SMYD1: variants seen among roughly 807,000 people sequenced by gnomAD.
The protein encoded by SMYD1 is SET and MYND domain containing 1.
A neutral mutation model predicts 54.0 loss-of-function variants in SMYD1; 49 were observed. That is an observed-to-expected ratio of 0.91 (90% confidence interval 0.72 to 1.15). The LOEUF (loss-of-function observed/expected upper bound fraction) is 1.15, where lower values mean the gene tolerates loss of function less well. SMYD1 is among the 50% of genes most tolerant of loss of function. The pLI is 0.00. For missense variants in SMYD1, 653 were observed against 639.6 expected (o/e 1.02, Z -0.23); for synonymous variants, 269 against 234.2 (o/e 1.15, Z -1.36).
rs538199535 is a variant in SMYD1 at position 88,096,778 on chromosome 2, C to G, written c.882C>G (p.Asn294Lys). 6.2e-7 allele frequency: 1 copy of G among 1,612,702 alleles called. No individual in the cohort carries two copies. The highest frequency in any genetic ancestry group is 8.5e-7 in the Non-Finnish European group (1 of 1,179,352). ...ACCTCTTCCTGGGGGTGAAAGACAA[C>G]CCCAAGGTACACACAGCCCTGCTGC... ...KDDLFLGVKD[N>K]PKPSQEVVKE... is the part of the protein sequence containing the mutation. The change falls in exon 6 of 10, where the codon AAC (asparagine) becomes AAG (lysine). Residue 294 changes from asparagine to lysine, a missense_variant. Coordinates refer to ENST00000419482, the MANE Select transcript of SMYD1 (RefSeq NM_198274.4).
rs1245807181 is a variant in SMYD1, at chr2:88,096,630, G to A, written c.734G>A (p.Gly245Glu). 3 of 1,613,780 alleles carry A rather than the reference G, an allele frequency of 1.9e-6. No individual in the cohort carries two copies. The highest frequency in any genetic ancestry group is 3.3e-5 in the Admixed American group (2 of 59,918). The change falls in exon 6 of 10, where the codon GGA (glycine) becomes GAA (glutamate). Residue 245 changes from glycine to glutamate, a missense_variant. Coordinates refer to ENST00000419482, the MANE Select transcript of SMYD1 (RefSeq NM_198274.4). ...ELRALGKISE[G>E]EELTVSYIDF... is the part of the protein sequence containing the mutation. ...CGGGCCCTAGGCAAGATCTCAGAAG[G>A]AGAGGAGCTGACTGTGTCCTATATT...
chr2:88,091,320 G>A (rs940502963), intron 4 of SMYD1, among the ~76,000 whole-genome samples, 178 bp downstream of exon 4: 4 of 152,188 alleles, frequency 2.6e-5, no homozygotes, highest in Non-Finnish European at 4.4e-5. Context: ...GCATCATGGA[G>A]GATATCAAAG....
At chr2:88,070,718 CG>C (rs1236540895) in intron 1 of SMYD1, among the ~76,000 whole-genome samples, 3 of 151,730 alleles carry the variant, frequency 2.0e-5, no homozygotes, top group South Asian at 4.2e-4. Flanking sequence ...ACCAGGCGGG[CG>C]GATCACCTGA....
At chr2:88,108,961 C>T (rs889796306) in intron 9 of SMYD1, among the ~76,000 whole-genome samples, 1 of 152,268 alleles carries the variant, frequency 6.6e-6, no homozygotes, top group Admixed American at 6.5e-5. Context: ...AGCGACAACT[C>T]ACTCCTACCA....
Position 88,103,108 on chromosome 2 carries a change from G to A in SMYD1, c.939G>A (p.Leu313=). The part of the protein sequence containing the change: ...KEMIQFSKDT[L]EKIDKARSEG... Reference sequence around the variant, plus strand: ...TGATACAATTCTCCAAGGATACATTGGAAAAGATAGACAAGGCTCGTTCCG... The same window carrying A: ...TGATACAATTCTCCAAGGATACATTAGAAAAGATAGACAAGGCTCGTTCCG... Residue 313 remains leucine (L), a synonymous_variant, in exon 7 of 10, where the codon TTG becomes TTA. Coordinates refer to ENST00000419482, the MANE Select transcript of SMYD1 (RefSeq NM_198274.4). The A allele has an allele frequency of 1.2e-6, 2 of 1,614,074 alleles. No individual in the cohort carries two copies. Among genetic ancestry groups the A allele is most frequent in the Non-Finnish European group, 1.7e-6 (2 of 1,179,974 alleles).
intron 3 of SMYD1, among the ~76,000 whole-genome samples, chr2:88,089,837 C>T (rs1267910753): frequency 6.6e-6 from 1 of 151,966 alleles, no homozygotes; most frequent in Non-Finnish European, 1.5e-5. Flanking sequence ...AGTGATCTGC[C>T]CATCTCTGCC....
Position 88,084,301 on chromosome 2 carries a change from T to C in SMYD1, c.138-15T>C. ...ACTGTGCTCCCAATCATGTGTCTTCTTTCTCCATTTCCAGCCTTGTTAATT... is the reference window on the plus strand; with the variant it reads ...ACTGTGCTCCCAATCATGTGTCTTCCTTCTCCATTTCCAGCCTTGTTAATT... On this transcript the variant is annotated splice_polypyrimidine_tract_variant and intron_variant, in intron 1 of 9. Transcript: ENST00000419482. 6.4e-7 allele frequency: 1 copy of C among 1,554,946 alleles called. No homozygotes were observed. Among genetic ancestry groups the C allele is most frequent in the Non-Finnish European group, 8.8e-7 (1 of 1,135,448 alleles).
In SMYD1 at chr2:88,112,984, G is replaced by A. The variant is rs916857176; in HGVS notation, c.*2472G>A. 2.0e-5 allele frequency: 3 copies of A among 152,074 alleles called. No homozygotes were observed. Among genetic ancestry groups the A allele is most frequent in the Non-Finnish European group, 2.9e-5 (2 of 68,022 alleles). 9.4% of individuals were successfully genotyped at this position (152,074 alleles called of 1,614,324 possible). On this transcript the variant is annotated 3_prime_UTR_variant, in exon 10 of 10. Transcript: ENST00000419482. ...GATGATTCTCAAATCTGTATTCCCC[G>A]ATCTTGCATTTGAGCTCCAGCCCCA... is the stretch of plus-strand genomic sequence containing the variant.
chr2:88,110,028 C>G (rs1218449362), intron 9 of SMYD1, among the ~76,000 whole-genome samples: 1 of 152,114 alleles, frequency 6.6e-6, no homozygotes, highest in Non-Finnish European at 1.5e-5. Context: ...TGCCTGAGGT[C>G]CCACACTAGT....
rs745343557 is a variant in SMYD1 at position 88,093,508 on chromosome 2, G to C, written c.660-9G>C. 8 of 1,614,084 alleles carry C rather than the reference G, an allele frequency of 5.0e-6. No homozygotes were observed. The Admixed American group carries it at 1.0e-4, about 20-fold the overall frequency. On this transcript the variant is annotated splice_polypyrimidine_tract_variant and intron_variant, in intron 4 of 9. Coordinates refer to ENST00000419482, the MANE Select transcript of SMYD1 (RefSeq NM_198274.4). Reference sequence around the variant, plus strand: ...TGATTTCCATATGGGTGTCTGTTTTGTCTTTCAGTCATGAGGCAGTGAAAT... The same window carrying C: ...TGATTTCCATATGGGTGTCTGTTTTCTCTTTCAGTCATGAGGCAGTGAAAT...
intron 7 of SMYD1, among the ~76,000 whole-genome samples, chr2:88,105,384 C>T (rs1047348264): frequency 5.4e-4 from 82 of 152,004 alleles, no homozygotes; most frequent in Non-Finnish European, 1.9e-4. Context: ...TATATACACA[C>T]ACACACACAC....
In SMYD1 at chr2:88,110,759, A is replaced by ACCCAATAAAGGAGCT. The variant is rs1315009269; in HGVS notation, c.*250_*264dup. The ACCCAATAAAGGAGCT allele has an allele frequency of 2.3e-6, 1 of 442,016 alleles. No homozygotes were observed. The highest frequency in any genetic ancestry group is 2.0e-5 in the African/African-American group (1 of 49,846). 27.4% of individuals were successfully genotyped at this position (442,016 alleles called of 1,614,324 possible). On this transcript the variant is annotated 3_prime_UTR_variant, in exon 10 of 10. Transcript: ENST00000419482. ...ATATTATTGGATGATAGGCCCTAGA[A>ACCCAATAAAGGAGCT]CCCAATAAAGGAGCTCCAAATGTCG...
intron 1 of SMYD1, among the ~76,000 whole-genome samples, chr2:88,078,287 A>C (rs1674114863): frequency 6.6e-6 from 1 of 152,220 alleles, no homozygotes; most frequent in Admixed American, 6.5e-5. Context: ...AATCACTATG[A>C]GAGTGGTGAG....
chr2:88,072,041 T>C (rs1673960179), intron 1 of SMYD1, among the ~76,000 whole-genome samples: 1 of 152,130 alleles, frequency 6.6e-6, no homozygotes, highest in Non-Finnish European at 1.5e-5. Flanking sequence ...CATTCTGGTG[T>C]ATATCCTCCT....
Position 88,084,419 on chromosome 2 carries a change from G to A in SMYD1, c.241G>A (p.Asp81Asn). ...TTACTGCGACCGCACCTGCCAGAAG[G>A]ATGCTTGGCTGAACCACAAGAATGA... ...AHYCDRTCQK[D>N]AWLNHKNECS... The change falls in exon 2 of 10, where the codon GAT becomes AAT. Residue 81 changes from aspartate to asparagine, a missense_variant. Transcript: ENST00000419482. The A allele has an allele frequency of 6.2e-7, 1 of 1,608,906 alleles. No individual in the cohort carries two copies. Among genetic ancestry groups the A allele is most frequent in the African/African-American group, 1.3e-5 (1 of 75,034 alleles).
chr2:88,095,779 C>T (rs1674572768), intron 5 of SMYD1, among the ~76,000 whole-genome samples: 1 of 152,148 alleles, frequency 6.6e-6, no homozygotes, highest in South Asian at 2.1e-4. Context: ...GCTGAGAGGT[C>T]CACGGACTGA....
intron 1 of SMYD1, among the ~76,000 whole-genome samples, chr2:88,077,711 G>A (rs1674099785): frequency 6.6e-6 from 1 of 151,544 alleles, no homozygotes; most frequent in South Asian, 2.1e-4. Flanking sequence ...GCAGGGGAGG[G>A]GTGGGCATTT....
chr2:88,078,252 C>T (rs1412246837), intron 1 of SMYD1, among the ~76,000 whole-genome samples: 3 of 152,210 alleles, frequency 2.0e-5, no homozygotes, highest in Admixed American at 1.3e-4. Flanking sequence ...GACCATCTTA[C>T]ACATGTTATT....
rs1418587241 is a variant in SMYD1 at position 88,101,746 on chromosome 2, C to T, written c.889-1312C>T. ...TCAGCCTCCCTAGTAGCTAGGACTA[C>T]AGACGTGTGCCACTATACCTGGCTA... is the stretch of plus-strand genomic sequence containing the variant. On this transcript the variant is annotated intron_variant, in intron 6 of 9. Transcript: ENST00000419482. Among the ~76,000 whole-genome samples the T allele has an allele frequency of 3.3e-5, 5 of 152,184 alleles. No individual in the cohort carries two copies. In the South Asian group the frequency reaches 8.3e-4, roughly 25 times the overall value.
Sources: gnomAD v4.1 joint callset for allele counts (sites outside exome capture counted in the v4.1 genomes callset) on GRCh38, gnomAD v4.1.1 for gene constraint, MANE v1.5 for transcripts, NCBI Gene and HGNC (gene_info 2026-07-23, HGNC 2026-07-21) for gene names.